Variants in STK3 observed in about 807,000 individuals in gnomAD.
The protein encoded by STK3 is serine/threonine-protein kinase 3.
In STK3, 41 loss-of-function variants were observed where a neutral mutation model predicts 58.0. The ratio of observed to expected loss-of-function variants is 0.71; its 90% CI spans 0.55 to 0.92. The LOEUF is 0.92. Ranked by LOEUF, STK3 falls within the 40% of genes least tolerant of loss-of-function variation. STK3 has a pLI of 0.00. For missense variants in STK3, 479 were observed against 602.7 expected (o/e 0.79, Z 2.15); for synonymous variants, 170 against 191.0 (o/e 0.89, Z 0.91).
chr8:98,520,222 T>C (rs1825247560), intron 10 of STK3, among the ~76,000 whole-genome samples: 1 of 152,118 alleles, frequency 6.6e-6, no homozygotes, highest in Admixed American at 6.6e-5. Flanking sequence ...AAACATAACT[T>C]TTTTCCGGTA....
intron 9 of STK3, among the ~76,000 whole-genome samples, 175 bp downstream of exon 9, chr8:98,547,794 T>G (rs1276725848): frequency 1.3e-5 from 2 of 152,158 alleles, no homozygotes; most frequent in Non-Finnish European, 2.9e-5. Context: ...TCTGCTATAT[T>G]AAAATACAAT....
chr8:98,590,336 T>C (rs754252236), intron 7 of STK3, among the ~76,000 whole-genome samples: 18 of 152,118 alleles, frequency 1.2e-4, no homozygotes, highest in Non-Finnish European at 1.8e-4. Flanking sequence ...ACCGTAAGAG[T>C]TACCGAAAGC....
chr8:98,450,668 G>A (rs1022484089), downstream of STK3, among the ~76,000 whole-genome samples: 4 of 152,256 alleles, frequency 2.6e-5, no homozygotes, highest in African/African-American at 4.8e-5. Flanking sequence ...AGAACGCCAC[G>A]TATATCCTAA....
At chr8:98,917,498 G>A (rs1401043963) in intron 1 of STK3, among the ~76,000 whole-genome samples, 2 of 152,084 alleles carry the variant, frequency 1.3e-5, no homozygotes, top group African/African-American at 4.8e-5. Flanking sequence ...GTTAGCCTTG[G>A]TCACGAGGAT....
rs529416178 is a variant in STK3 at position 98,708,952 on chromosome 8, G to A, written c.352-1641C>T. Among the ~76,000 whole-genome samples the A allele has an allele frequency of 3.0e-4, 45 of 151,670 alleles. No individual in the cohort carries two copies. The South Asian group carries it at 8.6e-3, about 29-fold the overall frequency. On this transcript the variant is annotated intron_variant, in intron 4 of 10. Coordinates refer to ENST00000419617, the MANE Select transcript of STK3 (RefSeq NM_006281.4). Reference sequence around the variant, plus strand: ...AGCTTCAGGATGGGAGCTGGTTGCCGAAAAAACCAACCAAGTGATTAGATG... The same window carrying A: ...AGCTTCAGGATGGGAGCTGGTTGCCAAAAAAACCAACCAAGTGATTAGATG...
At chr8:98,834,601 G>A (rs1587725916) in intron 3 of STK3, among the ~76,000 whole-genome samples, 1 of 152,220 alleles carries the variant, frequency 6.6e-6, no homozygotes, top group African/African-American at 2.4e-5. Context: ...TCAGTGTCTG[G>A]TGAAGGCCAA....
intron 8 of STK3, among the ~76,000 whole-genome samples, chr8:98,555,497 T>C (rs889762378): frequency 1.3e-5 from 2 of 152,166 alleles, no homozygotes; most frequent in African/African-American, 4.8e-5. Context: ...TATTCTAATT[T>C]TATTTTTCTT....
intron 1 of STK3, among the ~76,000 whole-genome samples, chr8:98,913,472 AAAG>A (rs1185435059): frequency 6.6e-6 from 1 of 152,226 alleles, no homozygotes; most frequent in African/African-American, 2.4e-5. Context: ...CATAATCTTC[AAAG>A]AAGAGTCCCT....
intron 6 of STK3, among the ~76,000 whole-genome samples, chr8:98,670,476 T>A (rs913049493): frequency 6.6e-6 from 1 of 152,134 alleles, no homozygotes; most frequent in African/African-American, 2.4e-5. Flanking sequence ...ATCTTTAGGC[T>A]CAAATGGAAG....
intron 10 of STK3, among the ~76,000 whole-genome samples, chr8:98,481,066 T>C (rs1250425426): frequency 6.6e-6 from 1 of 152,162 alleles, no homozygotes; most frequent in Non-Finnish European, 1.5e-5. Context: ...TATATTCTTG[T>C]TGGGGAGGTG....
At chr8:98,784,176 G>A (rs938951955) in intron 1 of STK3, among the ~76,000 whole-genome samples, 1 of 152,220 alleles carries the variant, frequency 6.6e-6, no homozygotes, top group Admixed American at 6.5e-5. Flanking sequence ...CCAGACCCAG[G>A]ATGGAGAGCA....
intron 3 of STK3, among the ~76,000 whole-genome samples, chr8:98,871,247 C>G (rs142443115): frequency 6.6e-6 from 1 of 152,146 alleles, no homozygotes; most frequent in African/African-American, 2.4e-5. Context: ...ATTACTGTAG[C>G]CTTGTAGTAT....
the STK3 span, among the ~76,000 whole-genome samples, chr8:98,355,760 T>C: frequency 6.6e-6 from 1 of 152,226 alleles, no homozygotes; most frequent in Non-Finnish European, 1.5e-5. Context: ...GTAGACAAGA[T>C]GGATGTAATA....
At chr8:98,756,751 G>A (rs912812359) in intron 3 of STK3, among the ~76,000 whole-genome samples, 8 of 152,170 alleles carry the variant, frequency 5.3e-5, no homozygotes, top group African/African-American at 1.9e-4. Flanking sequence ...AATTCCTAGA[G>A]ACAGCAAACT....
intron 1 of STK3, among the ~76,000 whole-genome samples, chr8:98,776,637 G>C (rs971674920): frequency 6.6e-6 from 1 of 152,026 alleles, no homozygotes; most frequent in African/African-American, 2.4e-5. Flanking sequence ...TCGATGACTG[G>C]AACACAGTAT....
chr8:98,822,053 TAC>T (rs773942816), intron 1 of STK3, among the ~76,000 whole-genome samples: 2 of 150,312 alleles, frequency 1.3e-5, no homozygotes, highest in East Asian at 1.9e-4. Context: ...CACACATACA[TAC>T]ACACACACAC....
intron 10 of STK3, among the ~76,000 whole-genome samples, chr8:98,480,845 G>A (rs923459967): frequency 6.6e-6 from 1 of 152,170 alleles, no homozygotes; most frequent in African/African-American, 2.4e-5. Context: ...CTCAAAATTG[G>A]TGGGGAAAAC....
At chr8:98,437,803 T>G (rs1437732090) in intron 1 of STK3, 1 of 152,168 alleles carries the variant, frequency 6.6e-6, no homozygotes, top group Non-Finnish European at 1.5e-5. Flanking sequence ...AAGGCCACCA[T>G]CACAGGATCG....
chr8:98,544,707 G>A (rs1323813656), intron 9 of STK3, among the ~76,000 whole-genome samples: 1 of 146,146 alleles, frequency 6.8e-6, no homozygotes, highest in Non-Finnish European at 1.5e-5. Context: ...GCTTGACTCT[G>A]ACTCTACTGT....
Sources: allele counts gnomAD v4.1 joint callset (sites outside exome capture counted in the v4.1 genomes callset), GRCh38; gene constraint gnomAD v4.1.1; transcripts MANE v1.5; gene names NCBI Gene and HGNC (gene_info 2026-07-23, HGNC 2026-07-21).